The following PPP2R3A variants were observed in gnomAD, a reference collection of about 807,000 sequenced individuals.
PPP2R3A encodes the protein protein phosphatase 2 regulatory subunit B''alpha.
In PPP2R3A, 80 loss-of-function variants were observed where a neutral mutation model predicts 106.9. That is an observed-to-expected ratio of 0.75 (90% CI 0.62 to 0.90). The LOEUF is 0.90. Ranked by LOEUF, PPP2R3A falls within the 40% of genes least tolerant of loss-of-function variation. The probability of loss-of-function intolerance (pLI) is 0.00; values close to 1 mark genes in which losing one functional copy is unlikely to be tolerated. For synonymous variants in PPP2R3A, 483 were observed against 468.3 expected (o/e 1.03, Z -0.41); for missense variants, 1,386 against 1,350.4 (o/e 1.03, Z -0.41).
intron 5 of PPP2R3A, among the ~76,000 whole-genome samples, chr3:136,063,480 C>A (rs897774351): frequency 6.6e-6 from 1 of 152,184 alleles, no homozygotes; most frequent in Non-Finnish European, 1.5e-5. Context: ...TCAGAGTGAA[C>A]AGGCAACCTA....
intron 7 of PPP2R3A, among the ~76,000 whole-genome samples, chr3:136,080,057 A>G (rs1054977815): frequency 2.6e-5 from 4 of 152,182 alleles, no homozygotes; most frequent in African/African-American, 9.6e-5. Context: ...CTGTGGTTTT[A>G]TTCTCTTATA....
At chr3:135,985,395 T>TCTCCCTCTCTCTCTCG (rs1271413942) in intron 1 of PPP2R3A, among the ~76,000 whole-genome samples, 5 of 146,326 alleles carry the variant, frequency 3.4e-5, no homozygotes, top group African/African-American at 1.3e-4. Flanking sequence ...TCTCTCCCTC[T>TCTCCCTCTCTCTCTCG]CTCCCTCTCT....
chr3:136,041,258 T>TG lies in PPP2R3A; in HGVS notation c.2366+296_2366+297insG, dbSNP rs1341954899. Among the ~76,000 whole-genome samples, 34 of 121,864 alleles carry TG rather than the reference T, an allele frequency of 2.8e-4. 2 individuals carry two copies. The highest frequency in any genetic ancestry group is 1.1e-3 in the African/African-American group (32 of 30,134). 79.9% of individuals were successfully genotyped at this position (121,864 alleles called of 152,430 possible). A position where few individuals can be genotyped will look rare whatever the true frequency, so the allele number is the denominator to read the frequency against. On this transcript the variant is annotated intron_variant, in intron 4 of 13. Coordinates refer to ENST00000264977, the MANE Select transcript of PPP2R3A (RefSeq NM_002718.5). ...TTCTTGTTTTTTTTTTTGTTTTTTT[T>TG]TTTGTTTTTTTTTTTTTGAGACAGA...
chr3:136,089,565 A>T (rs1576494972), intron 9 of PPP2R3A, among the ~76,000 whole-genome samples: 1 of 148,158 alleles, frequency 6.7e-6, no homozygotes, highest in African/African-American at 2.5e-5. Context: ...AGCTATTGGG[A>T]CTTTGTTTTT....
chr3:136,027,111 C>T lies in PPP2R3A; in HGVS notation c.2262+13C>T. 2 of 1,601,798 alleles carry T rather than the reference C, an allele frequency of 1.2e-6. No homozygotes were observed. The highest frequency in any genetic ancestry group is 1.7e-6 in the Non-Finnish European group (2 of 1,172,912). On this transcript the variant is annotated intron_variant, in intron 3 of 13. Transcript: ENST00000264977. ...GAAAATTGCAAAGGTAATGTAACTA[C>T]TAAATGATTTACAATCTCCCCTTCT...
rs748200831 is a variant in PPP2R3A at position 136,002,712 on chromosome 3, A to G, written c.1214A>G (p.Asn405Ser). 2 of 1,613,022 alleles carry G rather than the reference A, an allele frequency of 1.2e-6. No homozygotes were observed. The highest frequency in any genetic ancestry group is 1.7e-6 in the Non-Finnish European group (2 of 1,179,618). ...TCATTAACCATGAATCCTTTAGAAA[A>G]TGTTTCTTCTGACGACTTAATGGAA... is the stretch of plus-strand genomic sequence containing the variant. ...SQSLTMNPLE[N>S]VSSDDLMETL... Residue 405 changes from asparagine to serine, a missense_variant, in exon 2 of 14, where the codon AAT becomes AGT. By Grantham distance (46) the Asn-to-Ser change is conservative. Transcript: ENST00000264977.
At chr3:136,059,947 T>C (rs775445688) in intron 5 of PPP2R3A, among the ~76,000 whole-genome samples, 20 of 151,970 alleles carry the variant, frequency 1.3e-4, no homozygotes, top group Non-Finnish European at 2.2e-4. Context: ...CATGGACACA[T>C]AGAGGGAAAC....
intron 11 of PPP2R3A, 151 bp downstream of exon 11, chr3:136,102,333 G>T: frequency 3.8e-6 from 2 of 529,972 alleles, no homozygotes; most frequent in Non-Finnish European, 6.1e-6. Context: ...TTGACTATTA[G>T]TGTAGCAACT....
chr3:136,026,613 G>GT (rs1016129774), intron 2 of PPP2R3A, among the ~76,000 whole-genome samples: 12 of 151,890 alleles, frequency 7.9e-5, no homozygotes, highest in Non-Finnish European at 1.2e-4. Flanking sequence ...TTTTTTAAAC[G>GT]TAAATCTATG....
intron 4 of PPP2R3A, 150 bp downstream of exon 4, chr3:136,041,112 A>G: frequency 1.8e-6 from 1 of 560,256 alleles, no homozygotes; most frequent in Non-Finnish European, 3.0e-6. Flanking sequence ...ACAACCATTT[A>G]TACTCACATA....
intron 2 of PPP2R3A, chr3:136,022,799 G>A: frequency 3.3e-6 from 4 of 1,204,774 alleles, no homozygotes; most frequent in Non-Finnish European, 4.1e-6. Context: ...TACCAACAAG[G>A]AGCAACAGGC....
intron 2 of PPP2R3A, among the ~76,000 whole-genome samples, chr3:136,010,246 TTTTC>T (rs1219270258): frequency 1.9e-3 from 282 of 149,336 alleles, no homozygotes; most frequent in Non-Finnish European, 3.1e-3. Flanking sequence ...TGTCTTTTTC[TTTTC>T]TTTCTTTCTT....
At position 136,047,891 on chromosome 3, in the gene PPP2R3A, C is replaced by T. The variant is rs185969864; in HGVS notation, c.2367-1368C>T. 2.3e-3 allele frequency among the ~76,000 whole-genome samples: 347 copies of T among 149,406 alleles called. 1 individual carries two copies. Among genetic ancestry groups the T allele is most frequent in the African/African-American group, 8.1e-3 (326 of 40,426 alleles). The stretch of plus-strand genomic sequence containing the variant: ...CTGCACTCCAGCGTAGGCAACAGAG[C>T]GAGACTCCGTCTCAAAAAAAAAAAA... On this transcript the variant is annotated intron_variant, in intron 4 of 13. Transcript: ENST00000264977.
At chr3:136,053,679 G>C (rs1472310739) in intron 5 of PPP2R3A, among the ~76,000 whole-genome samples, 3 of 152,202 alleles carry the variant, frequency 2.0e-5, no homozygotes, top group Non-Finnish European at 2.9e-5. Context: ...GACAGCCACA[G>C]ATTAAAATTC....
chr3:136,020,508 TTC>T lies in PPP2R3A; in HGVS notation c.1996-6320_1996-6319del, dbSNP rs768414843. Among the ~76,000 whole-genome samples, 5 of 152,150 alleles carry T rather than the reference TTC, an allele frequency of 3.3e-5. No homozygotes were observed. In the East Asian group the frequency reaches 5.8e-4, roughly 18 times the overall value. ...GACACCTTCTAAACTTCAGTGATTT[TTC>T]TCTTTCATCCCACCCTTACCTAATT... is the stretch of plus-strand genomic sequence containing the variant. On this transcript the variant is annotated intron_variant, in intron 2 of 13. Coordinates refer to ENST00000264977, the MANE Select transcript of PPP2R3A (RefSeq NM_002718.5).
intron 13 of PPP2R3A, among the ~76,000 whole-genome samples, chr3:136,140,484 G>A (rs916398658): frequency 8.2e-5 from 12 of 147,230 alleles, no homozygotes; most frequent in South Asian, 2.1e-4. Context: ...AGTGGCTCAC[G>A]CCTGTAATAA....
intron 5 of PPP2R3A, among the ~76,000 whole-genome samples, chr3:136,068,218 A>G (rs1028177223): frequency 6.6e-6 from 1 of 152,186 alleles, no homozygotes; most frequent in Non-Finnish European, 1.5e-5. Flanking sequence ...ACCCTGTCTC[A>G]TTTATAAAAA....
At chr3:135,966,001 CGGAGCTGATT>C (rs899175765) in intron 1 of PPP2R3A, among the ~76,000 whole-genome samples, 152 bp downstream of exon 1, 1 of 151,992 alleles carries the variant, frequency 6.6e-6, no homozygotes, top group Non-Finnish European at 1.5e-5. Context: ...AGGGGCCACA[CGGAGCTGATT>C]GGGCTGTGGA....
At chr3:135,970,541 A>G (rs901184531) in intron 1 of PPP2R3A, among the ~76,000 whole-genome samples, 6 of 152,228 alleles carry the variant, frequency 3.9e-5, no homozygotes, top group Non-Finnish European at 8.8e-5. Context: ...TCAAGTAAAG[A>G]TGTGGAACAA....
Sources: allele counts gnomAD v4.1 joint callset (sites outside exome capture counted in the v4.1 genomes callset), GRCh38; gene constraint gnomAD v4.1.1; transcripts MANE v1.5; gene names NCBI Gene and HGNC (gene_info 2026-07-23, HGNC 2026-07-21).